Variants in GALNT13 observed in about 807,000 individuals in gnomAD.
The protein encoded by GALNT13 is polypeptide N-acetylgalactosaminyltransferase 13, also known as UDP-GalNAc:polypeptide N-acetylgalactosaminyltransferase 13.
A neutral mutation model predicts 64.2 loss-of-function variants in GALNT13; 28 were observed. The observed-to-expected ratio is 0.44, with a 90% CI of 0.32 to 0.60. The LOEUF is 0.60. Ranked by LOEUF, GALNT13 falls within the 20% of genes least tolerant of loss-of-function variation. The pLI, the probability that GALNT13 is intolerant of heterozygous loss-of-function variation, is 0.05. For synonymous variants in GALNT13, 214 were observed against 224.6 expected, an observed-to-expected ratio of 0.95 and a Z score of 0.42; for missense variants, 577 against 669.8, an observed-to-expected ratio of 0.86 and a Z score of 1.53.
chr2:153,725,407 GTAAC>G, the GALNT13 span, among the ~76,000 whole-genome samples: 1 of 150,586 alleles, frequency 6.6e-6, no homozygotes, highest in African/African-American at 2.4e-5. Flanking sequence ...GTATACATAT[GTAAC>G]TAACCTGCAC....
chr2:153,557,448 TC>T, the GALNT13 span, among the ~76,000 whole-genome samples: 1 of 152,234 alleles, frequency 6.6e-6, no homozygotes, highest in East Asian at 1.9e-4. Context: ...TTACCTCACT[TC>T]CATCCTCGCC....
At chr2:153,897,669 C>T (rs1687973745) in intron 1 of GALNT13, among the ~76,000 whole-genome samples, 1 of 152,050 alleles carries the variant, frequency 6.6e-6, no homozygotes, top group South Asian at 2.1e-4. Flanking sequence ...TTTACTGATT[C>T]AGGTACCTAA....
At chr2:153,400,342 G>C in the GALNT13 span, among the ~76,000 whole-genome samples, 1 of 152,162 alleles carries the variant, frequency 6.6e-6, no homozygotes. Context: ...TTTTATTGAG[G>C]ATTTGTGCAT....
At chr2:153,649,031 G>A in the GALNT13 span, among the ~76,000 whole-genome samples, 1 of 152,164 alleles carries the variant, frequency 6.6e-6, no homozygotes, top group African/African-American at 2.4e-5. Context: ...AATAGTTTCA[G>A]AAAGAATGGT....
chr2:154,453,655 G>T lies in GALNT13; in HGVS notation c.*3104G>T, dbSNP rs1489553433. The stretch of plus-strand genomic sequence containing the variant: ...AACATGCCCATCACATGCCCTAGAA[G>T]GTAAGTCCCATGAAGGCAGGGGCTT... On this transcript the variant is annotated 3_prime_UTR_variant, in exon 13 of 13. Transcript: ENST00000392825. 1 of 152,042 alleles carries T rather than the reference G, an allele frequency of 6.6e-6. No individual in the cohort carries two copies. The highest frequency in any genetic ancestry group is 2.4e-5 in the African/African-American group (1 of 41,392). 9.4% of individuals were successfully genotyped at this position (152,042 alleles called of 1,614,324 possible). A position where few individuals can be genotyped will look rare whatever the true frequency, so the allele number is the denominator to read the frequency against.
chr2:154,215,930 ACGAACT>A (rs1688015704), intron 4 of GALNT13, among the ~76,000 whole-genome samples: 1 of 152,062 alleles, frequency 6.6e-6, no homozygotes, highest in Admixed American at 6.6e-5. Flanking sequence ...TTTAGGGAAA[ACGAACT>A]CTTATACATT....
intron 9 of GALNT13, among the ~76,000 whole-genome samples, chr2:154,373,635 A>G (rs1184398807): frequency 3.3e-5 from 5 of 152,206 alleles, no homozygotes; most frequent in Non-Finnish European, 5.9e-5. Flanking sequence ...CTTTTAAAAT[A>G]AAAGAGCATC....
intron 8 of GALNT13, among the ~76,000 whole-genome samples, chr2:154,271,836 T>C (rs1406619167): frequency 6.6e-6 from 1 of 151,876 alleles, no homozygotes; most frequent in Non-Finnish European, 1.5e-5. Context: ...TGGTAGTTAC[T>C]GTAGAAGCTA....
chr2:153,849,732 T>C, the GALNT13 span, among the ~76,000 whole-genome samples: 1 of 151,924 alleles, frequency 6.6e-6, no homozygotes, highest in African/African-American at 2.4e-5. Flanking sequence ...GTGGTACAGT[T>C]TGAAAGGCAG....
chr2:153,736,214 T>C, the GALNT13 span, among the ~76,000 whole-genome samples: 11 of 152,320 alleles, frequency 7.2e-5, no homozygotes, highest in African/African-American at 2.6e-4. Flanking sequence ...AACACATTCA[T>C]TTAAATCAGC....
the GALNT13 span, among the ~76,000 whole-genome samples, chr2:153,609,894 C>T: frequency 7.2e-5 from 11 of 152,080 alleles, no homozygotes; most frequent in Non-Finnish European, 2.9e-5. Context: ...GAAACCAAGT[C>T]ACGATGCAGC....
In GALNT13 at chr2:154,133,665, T is replaced by C. The variant is rs1315446737; in HGVS notation, c.143-6672T>C. ...GTCTTTTGATAATAGAACTAGATTG[T>C]CTACAAATTGCCTTCTACTTTAAAA... On this transcript the variant is annotated intron_variant, in intron 3 of 12. Coordinates refer to ENST00000392825, the MANE Select transcript of GALNT13 (RefSeq NM_052917.4). Among the ~76,000 whole-genome samples, 5 of 150,044 alleles carry C rather than the reference T, an allele frequency of 3.3e-5. No homozygotes were observed. In the South Asian group the frequency reaches 1.0e-3, roughly 31 times the overall value.
chr2:153,842,626 A>C, the GALNT13 span, among the ~76,000 whole-genome samples: 13 of 152,096 alleles, frequency 8.5e-5, no homozygotes, highest in African/African-American at 2.4e-4. Flanking sequence ...AACTATCCAG[A>C]ACCTCAGTTT....
intron 3 of GALNT13, among the ~76,000 whole-genome samples, chr2:153,977,190 T>C (rs1230641902): frequency 6.6e-6 from 1 of 152,196 alleles, no homozygotes; most frequent in Non-Finnish European, 1.5e-5. Context: ...GAAAGGGTAC[T>C]ACTGACTTAT....
At chr2:154,438,885 A>G (rs1245354967) in intron 12 of GALNT13, among the ~76,000 whole-genome samples, 159 bp downstream of exon 12, 2 of 152,164 alleles carry the variant, frequency 1.3e-5, no homozygotes, top group African/African-American at 4.8e-5. Flanking sequence ...ATGGCATATC[A>G]TATAAACAGG....
the GALNT13 span, among the ~76,000 whole-genome samples, chr2:153,437,209 G>A: frequency 5.5e-3 from 833 of 152,108 alleles, 2 homozygotes; most frequent in Non-Finnish European, 9.2e-3. Flanking sequence ...TATAATTTCT[G>A]TTCTTTTGCA....
chr2:153,169,405 A>G, the GALNT13 span, among the ~76,000 whole-genome samples: 13 of 152,356 alleles, frequency 8.5e-5, 1 homozygote, highest in South Asian at 2.7e-3. Flanking sequence ...TAACTAGAGT[A>G]TAAGGACTGA....
At chr2:153,852,138 A>G in the GALNT13 span, among the ~76,000 whole-genome samples, 2 of 152,200 alleles carry the variant, frequency 1.3e-5, no homozygotes, top group Non-Finnish European at 2.9e-5. Flanking sequence ...AAAATAATAT[A>G]TTGGACAAAT....
At chr2:153,928,109 C>A (rs1454438204) in intron 2 of GALNT13, among the ~76,000 whole-genome samples, 1 of 151,944 alleles carries the variant, frequency 6.6e-6, no homozygotes, top group Non-Finnish European at 1.5e-5. Context: ...CACTTTCTAT[C>A]CCCCATTAAT....
Sources: allele counts gnomAD v4.1 joint callset (sites outside exome capture counted in the v4.1 genomes callset), GRCh38; gene constraint gnomAD v4.1.1; transcripts MANE v1.5; gene names NCBI Gene and HGNC (gene_info 2026-07-23, HGNC 2026-07-21).